ZNF442: variants seen among roughly 807,000 people sequenced by gnomAD.
ZNF442 encodes zinc finger protein 442.
Under a neutral mutation model 57.0 loss-of-function variants are expected in ZNF442, and 45 were observed. The ratio of observed to expected loss-of-function variants is 0.79; its 90% confidence interval spans 0.62 to 1.01. The LOEUF is 1.01. ZNF442 is among the 50% of genes least tolerant of loss of function. The pLI is 0.00. For synonymous variants in ZNF442, 213 were observed against 241.8 expected (o/e 0.88, Z 1.10); for missense variants, 690 against 756.5 (o/e 0.91, Z 1.03).
chr19:12,352,878 T>C, intron 4 of ZNF442, 110 bp downstream of exon 4: 2 of 1,341,066 alleles, frequency 1.5e-6, no homozygotes, highest in East Asian at 2.5e-5. Context: ...CCCTGTGTTG[T>C]TGAAGGGTCA....
At chr19:12,352,160 T>G in intron 4 of ZNF442, 90 bp from the exon 5 acceptor site, 1 of 1,230,472 alleles carries the variant, frequency 8.1e-7, no homozygotes, top group Non-Finnish European at 1.2e-6. Flanking sequence ...TCATGCATGA[T>G]TCATTCACTG....
At chr19:12,367,700 G>A (rs186682687), upstream of ZNF442, among the ~76,000 whole-genome samples, 50 of 151,946 alleles carry the variant, frequency 3.3e-4, no homozygotes, top group Admixed American at 6.6e-4. Flanking sequence ...AGAGTCTCAC[G>A]CTCTGTCCCC....
chr19:12,365,307 A>C (rs1969513666), intron 1 of ZNF442, 64 bp from the exon 2 acceptor site: 1 of 201,554 alleles, frequency 5.0e-6, no homozygotes, highest in African/African-American at 2.4e-5. Flanking sequence ...CCGGGGCCGC[A>C]GTTGCTGCGC....
intron 3 of ZNF442, among the ~76,000 whole-genome samples, chr19:12,353,667 A>G (rs892593837): frequency 1.3e-5 from 2 of 152,180 alleles, no homozygotes; most frequent in African/African-American, 2.4e-5. Context: ...CAGTGGGAGC[A>G]TAGCTGATCA....
Position 12,365,095 on chromosome 19 carries a change from C to T in ZNF442, c.-334G>A, listed in dbSNP as rs189178335. The stretch of plus-strand genomic sequence containing the variant: ...CACACTTCAGCCGCCCCTGTCCAGA[C>T]CCCTAAACACCCCCATCCCCAAACC... On this transcript the variant is annotated 5_prime_UTR_variant, in exon 2 of 6. Transcript: ENST00000242804. 1.3e-5 allele frequency: 2 copies of T among 152,964 alleles called. No individual in the cohort carries two copies. The highest frequency in any genetic ancestry group is 6.5e-5 in the Admixed American group (1 of 15,298). 9.5% of individuals were successfully genotyped at this position (152,964 alleles called of 1,614,324 possible).
upstream of ZNF442, among the ~76,000 whole-genome samples, chr19:12,368,518 C>T (rs1419169748): frequency 6.6e-6 from 1 of 152,214 alleles, no homozygotes; most frequent in Non-Finnish European, 1.5e-5. Flanking sequence ...CAACAGACTA[C>T]AAGATTGACT....
At chr19:12,363,772 T>G (rs906455214) in intron 2 of ZNF442, 101 bp from the exon 3 acceptor site, 10 of 712,998 alleles carry the variant, frequency 1.4e-5, no homozygotes, top group East Asian at 2.7e-5. Context: ...CATCCAGCTG[T>G]TCTCTGTGAG....
chr19:12,368,990 G>A (rs1969560110), upstream of ZNF442, among the ~76,000 whole-genome samples: 1 of 151,980 alleles, frequency 6.6e-6, no homozygotes, highest in Admixed American at 6.6e-5. Context: ...CCAATCAAAA[G>A]CCAAGGCATT....
chr19:12,370,773 G>C (rs1311671607), upstream of ZNF442, among the ~76,000 whole-genome samples: 1 of 152,014 alleles, frequency 6.6e-6, no homozygotes, highest in Non-Finnish European at 1.5e-5. Context: ...AGGAGTTCAA[G>C]ATCAGCCTGG....
chr19:12,372,396 T>C, the ZNF442 span, among the ~76,000 whole-genome samples: 2 of 151,724 alleles, frequency 1.3e-5, no homozygotes, highest in East Asian at 3.9e-4. Context: ...GAGGTGGAGG[T>C]TGCAGTGAGC....
In ZNF442 at chr19:12,351,263, C is replaced by T; in HGVS notation, c.322G>A (p.Glu108Lys). The change falls in exon 6 of 6, where the codon GAA becomes AAA. Residue 108 changes from glutamate (E) to lysine (K), a missense_variant. Transcript: ENST00000242804. ...ESRQPDSTVN[E>K]KPPGVDPCKS... ...CATGGATCTACTCCAGGAGGTTTTT[C>T]ATTCACAGTACTATCTGGCTGGCGA... The T allele has an allele frequency of 6.2e-7, 1 of 1,614,170 alleles. No individual in the cohort carries two copies. Among genetic ancestry groups the T allele is most frequent in the Non-Finnish European group, 8.5e-7 (1 of 1,180,034 alleles).
At chr19:12,370,321 A>G (rs1204675189), upstream of ZNF442, among the ~76,000 whole-genome samples, 2 of 151,834 alleles carry the variant, frequency 1.3e-5, no homozygotes, top group Non-Finnish European at 2.9e-5. Context: ...CTCCTATGAG[A>G]ATCTAATGCT....
rs1969184610 is a variant in ZNF442 at position 12,349,804 on chromosome 19, T to C, written c.1781A>G (p.His594Arg). The C allele has an allele frequency of 1.9e-6, 3 of 1,614,204 alleles. No individual in the cohort carries two copies. Among genetic ancestry groups the C allele is most frequent in the South Asian group, 1.1e-5 (1 of 91,084 alleles). Residue 594 changes from histidine to arginine, a missense_variant, in exon 6 of 6, where the codon CAC becomes CGC. His to Arg is a conservative substitution (Grantham distance 29). Transcript: ENST00000242804. ...ACATTCATGCATCTTCTCTCCAGTG[T>C]GAGTTTTTTCATGTCCTCGAAGGAA... ...SRFLRGHEKT[H>R]TGEKMHECKE...
chr19:12,365,453 C>T (rs1008051637), intron 1 of ZNF442, 80 bp downstream of exon 1: 5 of 356,646 alleles, frequency 1.4e-5, no homozygotes, highest in African/African-American at 1.1e-4. Context: ...CGGGGACGCC[C>T]GGGTCCCGCC....
chr19:12,368,196 C>G (rs911284831), upstream of ZNF442, among the ~76,000 whole-genome samples: 6 of 152,198 alleles, frequency 3.9e-5, no homozygotes, highest in Non-Finnish European at 7.4e-5. Flanking sequence ...AAATGTTTTA[C>G]AAACAATTTG....
At chr19:12,368,908 C>T (rs1390569076), upstream of ZNF442, among the ~76,000 whole-genome samples, 1 of 152,038 alleles carries the variant, frequency 6.6e-6, no homozygotes, top group Admixed American at 6.6e-5. Flanking sequence ...CTCAACTTGC[C>T]CTCCTGTGTC....
upstream of ZNF442, among the ~76,000 whole-genome samples, chr19:12,367,508 G>C (rs145893162): frequency 2.3e-3 from 352 of 152,244 alleles, 1 homozygote; most frequent in African/African-American, 8.1e-3. Flanking sequence ...GAATTTACCA[G>C]GCTGGAACTT....
intron 2 of ZNF442, among the ~76,000 whole-genome samples, chr19:12,364,328 AC>A (rs1212115327): frequency 6.7e-6 from 1 of 149,826 alleles, no homozygotes; most frequent in Non-Finnish European, 1.5e-5. Context: ...AATTTCTTGA[AC>A]CCGGGAGGCG....
chr19:12,362,967 C>T (rs140560443), intron 3 of ZNF442, among the ~76,000 whole-genome samples: 2,169 of 150,432 alleles, frequency 0.014, 30 homozygotes, highest in Non-Finnish European at 0.02. Context: ...CATAGTGAAA[C>T]CCCGTCTCTA....
Sources: gnomAD v4.1 joint callset for allele counts (sites outside exome capture counted in the v4.1 genomes callset) on GRCh38, gnomAD v4.1.1 for gene constraint, MANE v1.5 for transcripts, NCBI Gene and HGNC (gene_info 2026-07-23, HGNC 2026-07-21) for gene names.